The following VIPAS39 variants were observed in gnomAD, a reference collection of about 807,000 sequenced individuals.
VIPAS39 encodes spermatogenesis-defective protein 39 homolog.
Under a neutral mutation model 84.7 loss-of-function variants are expected in VIPAS39, and 63 were observed. That is an observed-to-expected ratio of 0.74 (90% confidence interval 0.61 to 0.92). The LOEUF (loss-of-function observed/expected upper bound fraction) is 0.92, where lower values mean the gene tolerates loss of function less well. Among genes scored for constraint, VIPAS39 ranks in the 40% least tolerant of loss-of-function variants. The probability of loss-of-function intolerance (pLI) is 0.00; values close to 1 mark genes in which losing one functional copy is unlikely to be tolerated. For missense variants in VIPAS39, 499 were observed against 604.5 expected (o/e 0.83, Z 1.83); for synonymous variants, 192 against 216.5 (o/e 0.89, Z 0.99).
At chr14:77,453,468 A>C in intron 2 of VIPAS39, 67 bp from the exon 3 acceptor site, 2 of 1,491,212 alleles carry the variant, frequency 1.3e-6, no homozygotes, top group Admixed American at 3.3e-5. Flanking sequence ...TCTGACAATC[A>C]AGAAGGCTGA....
Position 77,427,532 on chromosome 14 carries a change from G to A in VIPAS39, c.*84C>T, listed in dbSNP as rs965470772. On this transcript the variant is annotated 3_prime_UTR_variant, in exon 20 of 20. Transcript: ENST00000557658. ...TAATGGGCCCAAGCGATGTGATGCC[G>A]CAGCTCTCCCAAAGAAGAGCTCTCT... The A allele has an allele frequency of 2.4e-5, 37 of 1,562,014 alleles. No individual in the cohort carries two copies. The highest frequency in any genetic ancestry group is 1.7e-4 in the Middle Eastern group (1 of 5,974).
At chr14:77,441,737 T>C (rs552240063) in intron 10 of VIPAS39, among the ~76,000 whole-genome samples, 2 of 152,218 alleles carry the variant, frequency 1.3e-5, no homozygotes, top group South Asian at 2.1e-4. Context: ...CCCACCTCAG[T>C]CTTTTGGGGA....
intron 16 of VIPAS39, 58 bp from the exon 17 acceptor site, chr14:77,429,825 G>C: frequency 6.9e-7 from 1 of 1,449,280 alleles, no homozygotes; most frequent in Non-Finnish European, 9.7e-7. Flanking sequence ...CACATTCTAG[G>C]TTAGTCTATG....
At chr14:77,441,433 T>G (rs2078701972) in intron 10 of VIPAS39, among the ~76,000 whole-genome samples, 1 of 152,180 alleles carries the variant, frequency 6.6e-6, no homozygotes, top group African/African-American at 2.4e-5. Flanking sequence ...AAAACAGATT[T>G]TCTATATTGT....
At chr14:77,439,177 AATCTAT>A (rs2078661451) in intron 11 of VIPAS39, among the ~76,000 whole-genome samples, 1 of 152,228 alleles carries the variant, frequency 6.6e-6, no homozygotes, top group East Asian at 1.9e-4. Context: ...AAAAACTCAA[AATCTAT>A]ATACAACAAC....
chr14:77,434,255 T>C lies in VIPAS39; in HGVS notation c.1089+7A>G, dbSNP rs566472910. 1.9e-6 allele frequency: 3 copies of C among 1,613,942 alleles called. No individual in the cohort carries two copies. Among genetic ancestry groups the C allele is most frequent in the African/African-American group, 2.7e-5 (2 of 75,038 alleles). Reference sequence around the variant, plus strand: ...TAGTTTCATAACACTGACCAATTTGTATCTACCTTAAATGTCTTCTTCAGG... The same window carrying C: ...TAGTTTCATAACACTGACCAATTTGCATCTACCTTAAATGTCTTCTTCAGG... On this transcript the variant is annotated splice_region_variant and intron_variant, in intron 15 of 19. Coordinates refer to ENST00000557658, the MANE Select transcript of VIPAS39 (RefSeq NM_001193315.2).
intron 1 of VIPAS39, among the ~76,000 whole-genome samples, chr14:77,454,743 T>C (rs1057261866): frequency 1.3e-5 from 2 of 150,362 alleles, no homozygotes; most frequent in African/African-American, 4.9e-5. Context: ...AGCATAGGTA[T>C]GTATTAAAAG....
chr14:77,436,952 A>G (rs2078622105), intron 12 of VIPAS39, among the ~76,000 whole-genome samples: 1 of 152,240 alleles, frequency 6.6e-6, no homozygotes, highest in South Asian at 2.1e-4. Context: ...TTTTAGCCAT[A>G]GTGAATTTTT....
At chr14:77,430,810 A>G (rs556646718) in intron 16 of VIPAS39, among the ~76,000 whole-genome samples, 16 of 152,286 alleles carry the variant, frequency 1.1e-4, no homozygotes, top group African/African-American at 3.6e-4. Context: ...ATATTAATCA[A>G]AACAGTACGG....
intron 16 of VIPAS39, among the ~76,000 whole-genome samples, chr14:77,431,567 G>A (rs1173462637): frequency 3.3e-5 from 5 of 152,202 alleles, no homozygotes; most frequent in South Asian, 4.2e-4. Context: ...GTACCCTGTC[G>A]GTGGGAATGT....
intron 3 of VIPAS39, among the ~76,000 whole-genome samples, chr14:77,451,625 C>T (rs1594925610): frequency 6.6e-6 from 1 of 151,910 alleles, no homozygotes; most frequent in South Asian, 2.1e-4. Flanking sequence ...ACTACATTGC[C>T]GGAGCTCTGG....
In VIPAS39 at chr14:77,435,853, G is replaced by A; in HGVS notation, c.903C>T (p.Ile301=). The stretch of plus-strand genomic sequence containing the variant: ...AGATGAAGAGTCTAACCTCAATAAT[G>A]ATCTGACGTTCCAGGAGCGTGTAAT... ...QDHYTLLERQ[I]IIEANDRHLE... is the part of the protein sequence containing the mutation. Residue 301 remains isoleucine (I), a synonymous_variant, in exon 13 of 20, where the codon ATC becomes ATT. Transcript: ENST00000557658. 5 of 1,614,114 alleles carry A rather than the reference G, an allele frequency of 3.1e-6. No homozygotes were observed. The highest frequency in any genetic ancestry group is 4.2e-6 in the Non-Finnish European group (5 of 1,180,008).
At chr14:77,432,844 A>T (rs982892228) in intron 16 of VIPAS39, among the ~76,000 whole-genome samples, 1 of 152,240 alleles carries the variant, frequency 6.6e-6, no homozygotes, top group Non-Finnish European at 1.5e-5. Flanking sequence ...ATAATAGTGT[A>T]GTGTATACTG....
At chr14:77,457,010 C>T in intron 1 of VIPAS39, 1 of 1,222,832 alleles carries the variant, frequency 8.2e-7, no homozygotes. Context: ...CAGGGGAGAA[C>T]AGGAACTTTA....
Position 77,427,347 on chromosome 14 carries a change from G to GTC in VIPAS39, c.*268_*269insGA. The GTC allele has an allele frequency of 1.9e-6, 1 of 530,904 alleles. No individual in the cohort carries two copies. The highest frequency in any genetic ancestry group is 2.2e-5 in the South Asian group (1 of 44,646). 32.9% of individuals were successfully genotyped at this position (530,904 alleles called of 1,614,324 possible). A position where few individuals can be genotyped will look rare whatever the true frequency, so the allele number is the denominator to read the frequency against. ...ACCAAGTGAGATCTTACCCAGTAGG[G>GTC]GCCCAATCTAGAAATCACTCCCACC... On this transcript the variant is annotated 3_prime_UTR_variant, in exon 20 of 20. Coordinates refer to ENST00000557658, the MANE Select transcript of VIPAS39 (RefSeq NM_001193315.2).
At position 77,435,878 on chromosome 14, in the gene VIPAS39, T is replaced by C. The variant is rs779693198; in HGVS notation, c.878A>G (p.His293Arg). 1 of 1,614,166 alleles carries C rather than the reference T, an allele frequency of 6.2e-7. No homozygotes were observed. Among genetic ancestry groups the C allele is most frequent in the South Asian group, 1.1e-5 (1 of 91,088 alleles). Reference protein sequence around the residue: ...SAEDSAHIQDHYTLLERQIII... With the variant: ...SAEDSAHIQDRYTLLERQIII... ...GATCTGACGTTCCAGGAGCGTGTAA[T>C]GGTCCTGTATGTGTGCGGAATCTTC... The change falls in exon 13 of 20, where the codon CAT becomes CGT. Residue 293 changes from histidine to arginine, a missense_variant. Transcript: ENST00000557658.
chr14:77,435,026 G>A (rs2078585042), intron 14 of VIPAS39: 4 of 578,124 alleles, frequency 6.9e-6, no homozygotes, highest in African/African-American at 1.9e-5. Context: ...ACCAGGGACA[G>A]AACTTGCTAT....
rs77911761 is a variant in VIPAS39 at position 77,453,492 on chromosome 14, G to C, written c.94-91C>G. The C allele has an allele frequency of 2.3e-3, 2,849 of 1,251,280 alleles. 77 individuals carry two copies. In the East Asian group the frequency reaches 0.055, roughly 24 times the overall value. 77.5% of individuals were successfully genotyped at this position (1,251,280 alleles called of 1,614,324 possible). A position where few individuals can be genotyped will look rare whatever the true frequency, so the allele number is the denominator to read the frequency against. On this transcript the variant is annotated intron_variant, in intron 2 of 19. Transcript: ENST00000557658. ...CAAGAAGGCTGAGGAATTGGGGCCT[G>C]AAGGTGGCCAACACTCGCCCTGTGC...
intron 1 of VIPAS39, chr14:77,457,236 T>C: frequency 6.5e-7 from 1 of 1,530,984 alleles, no homozygotes; most frequent in East Asian, 2.4e-5. Flanking sequence ...ACCGCAGTCG[T>C]CAGAGCCCAG....
Sources: allele counts gnomAD v4.1 joint callset (sites outside exome capture counted in the v4.1 genomes callset), GRCh38; gene constraint gnomAD v4.1.1; transcripts MANE v1.5; gene names NCBI Gene and HGNC (gene_info 2026-07-23, HGNC 2026-07-21).